The following SUPT3H variants were observed in gnomAD, a reference collection of about 807,000 sequenced individuals.
SUPT3H encodes transcription initiation protein SPT3 homolog.
In SUPT3H, 44 loss-of-function variants were observed where a neutral mutation model predicts 44.3. That is an observed-to-expected ratio of 0.99 (90% confidence interval 0.78 to 1.28). The LOEUF (loss-of-function observed/expected upper bound fraction) is 1.28. SUPT3H is among the 50% of genes most tolerant of loss of function. The pLI, the probability that SUPT3H is intolerant of heterozygous loss-of-function variation, is 0.00. For synonymous variants in SUPT3H, 124 were observed against 125.6 expected, an observed-to-expected ratio of 0.99 and a Z score of 0.09; for missense variants, 380 against 387.1, an observed-to-expected ratio of 0.98 and a Z score of 0.15.
At chr6:45,007,214 C>T (rs1473199482) in intron 5 of SUPT3H, among the ~76,000 whole-genome samples, 1 of 151,932 alleles carries the variant, frequency 6.6e-6, no homozygotes, top group Admixed American at 6.6e-5. Context: ...GGAGGCTGAG[C>T]TTTTGTAAGA....
chr6:45,174,377 T>C (rs1811332560), intron 2 of SUPT3H, among the ~76,000 whole-genome samples: 1 of 152,280 alleles, frequency 6.6e-6, no homozygotes. Context: ...ATCTCTGGAG[T>C]TTGGTTCCTC....
At chr6:44,844,840 C>T (rs1190864471) in intron 10 of SUPT3H, among the ~76,000 whole-genome samples, 2 of 152,114 alleles carry the variant, frequency 1.3e-5, no homozygotes, top group African/African-American at 4.8e-5. Context: ...TGGCTATATA[C>T]ATTTGTCAAA....
chr6:45,054,599 T>A (rs1790825802), intron 3 of SUPT3H, among the ~76,000 whole-genome samples: 1 of 152,196 alleles, frequency 6.6e-6, no homozygotes, highest in African/African-American at 2.4e-5. Flanking sequence ...GCCATGAACC[T>A]TGCAATAAGT....
At chr6:45,089,997 A>G (rs897057537) in intron 3 of SUPT3H, among the ~76,000 whole-genome samples, 3 of 152,078 alleles carry the variant, frequency 2.0e-5, no homozygotes, top group African/African-American at 4.8e-5. Flanking sequence ...CCATCATACA[A>G]TTAAGAAACA....
chr6:45,007,771 T>C (rs1269220953), intron 5 of SUPT3H, among the ~76,000 whole-genome samples: 2 of 151,358 alleles, frequency 1.3e-5, no homozygotes, highest in Non-Finnish European at 1.5e-5. Flanking sequence ...TGGGATTCAG[T>C]TGTAATGTAA....
chr6:44,888,954 C>T (rs1362047638), intron 10 of SUPT3H, among the ~76,000 whole-genome samples: 1 of 93,034 alleles, frequency 1.1e-5, no homozygotes, highest in Non-Finnish European at 2.2e-5. Flanking sequence ...AAATCACAAG[C>T]ATTCTTATAC....
chr6:45,248,506 T>C (rs1771774436), intron 2 of SUPT3H, among the ~76,000 whole-genome samples: 2 of 152,076 alleles, frequency 1.3e-5, no homozygotes, highest in South Asian at 2.1e-4. Flanking sequence ...CATTAGTCAC[T>C]AGGAAATGCA....
chr6:45,134,060 G>A (rs562900132), intron 2 of SUPT3H, among the ~76,000 whole-genome samples: 1 of 152,274 alleles, frequency 6.6e-6, no homozygotes, highest in East Asian at 1.9e-4. Context: ...AAGAATATCT[G>A]AGAATGAGTA....
chr6:45,230,547 T>C (rs922731517), intron 2 of SUPT3H, among the ~76,000 whole-genome samples: 1 of 115,416 alleles, frequency 8.7e-6, no homozygotes, highest in South Asian at 3.1e-4. Context: ...TTGGTTTCTG[T>C]TTGCATGGAC....
intron 2 of SUPT3H, among the ~76,000 whole-genome samples, chr6:45,319,836 A>C (rs1785213583): frequency 6.6e-6 from 1 of 152,230 alleles, no homozygotes; most frequent in African/African-American, 2.4e-5. Flanking sequence ...TTCTGCTAAA[A>C]TATTTCATGC....
chr6:44,942,204 C>T (rs1472603641), intron 9 of SUPT3H, among the ~76,000 whole-genome samples: 1 of 151,998 alleles, frequency 6.6e-6, no homozygotes, highest in Non-Finnish European at 1.5e-5. Context: ...CTGAAGAGGT[C>T]TTTTAGGTAA....
intron 2 of SUPT3H, among the ~76,000 whole-genome samples, chr6:45,177,443 T>C (rs1312366781): frequency 7.9e-5 from 12 of 152,182 alleles, no homozygotes; most frequent in African/African-American, 1.9e-4. Context: ...CTACGTCTGA[T>C]TGGTGTACTT....
At chr6:45,044,407 T>C (rs1789055867) in intron 3 of SUPT3H, among the ~76,000 whole-genome samples, 1 of 152,202 alleles carries the variant, frequency 6.6e-6, no homozygotes, top group Admixed American at 6.6e-5. Context: ...TCAGGGTATC[T>C]ACAGCACTAG....
chr6:44,890,721 C>T (rs987577292), intron 10 of SUPT3H, among the ~76,000 whole-genome samples: 4 of 149,062 alleles, frequency 2.7e-5, no homozygotes, highest in African/African-American at 7.4e-5. Flanking sequence ...AACTAACCTG[C>T]ACATTGTGCA....
At chr6:44,956,767 C>A (rs563445439) in intron 7 of SUPT3H, among the ~76,000 whole-genome samples, 1 of 152,272 alleles carries the variant, frequency 6.6e-6, no homozygotes, top group Non-Finnish European at 1.5e-5. Flanking sequence ...GCTCTGCCAT[C>A]ACTCTTCTTC....
chr6:45,318,262 A>T (rs1363003920), intron 2 of SUPT3H, among the ~76,000 whole-genome samples: 1 of 152,146 alleles, frequency 6.6e-6, no homozygotes, highest in East Asian at 1.9e-4. Context: ...GGGATTGTGG[A>T]GAGAGAAGGA....
intron 3 of SUPT3H, among the ~76,000 whole-genome samples, chr6:45,072,758 A>G (rs1208466079): frequency 6.6e-6 from 1 of 152,042 alleles, no homozygotes; most frequent in Non-Finnish European, 1.5e-5. Context: ...ATTGGTACCC[A>G]TCTTTCTTTG....
At chr6:44,917,057 G>A (rs879344391) in intron 10 of SUPT3H, among the ~76,000 whole-genome samples, 2 of 152,124 alleles carry the variant, frequency 1.3e-5, no homozygotes, top group South Asian at 2.1e-4. Context: ...GGGAGGCTGA[G>A]GCGGGAGGAT....
chr6:45,228,917 G>A (rs1261483695), intron 2 of SUPT3H, among the ~76,000 whole-genome samples: 2 of 152,064 alleles, frequency 1.3e-5, no homozygotes, highest in Non-Finnish European at 2.9e-5. Flanking sequence ...TGGGATTACA[G>A]GCATGAGCCA....
Sources: allele counts gnomAD v4.1 joint callset (sites outside exome capture counted in the v4.1 genomes callset), GRCh38; gene constraint gnomAD v4.1.1; transcripts MANE v1.5; gene names NCBI Gene and HGNC (gene_info 2026-07-23, HGNC 2026-07-21).